Variants in DLC1 observed in about 807,000 individuals in gnomAD.
DLC1 encodes DLC1 Rho GTPase activating protein, also known as rho GTPase-activating protein 7.
A neutral mutation model predicts 140.3 loss-of-function variants in DLC1; 54 were observed. That is an observed-to-expected ratio of 0.38 (90% CI 0.31 to 0.48). The LOEUF is 0.48. DLC1 is among the 20% of genes least tolerant of loss of function. The pLI, the probability that DLC1 is intolerant of heterozygous loss-of-function variation, is 0.96. For synonymous variants in DLC1, 986 were observed against 728.1 expected, an observed-to-expected ratio of 1.35 and a Z score of -5.70; for missense variants, 2,536 against 1,907.0, an observed-to-expected ratio of 1.33 and a Z score of -6.14.
chr8:13,508,223 T>C (rs1278558649), intron 1 of DLC1, among the ~76,000 whole-genome samples: 2 of 152,208 alleles, frequency 1.3e-5, no homozygotes, highest in Admixed American at 6.5e-5. Context: ...ACCCACTTTA[T>C]GGCTCAAGCC....
chr8:13,263,710 TG>T (rs1367228264), intron 5 of DLC1, among the ~76,000 whole-genome samples: 6 of 151,688 alleles, frequency 4.0e-5, no homozygotes, highest in Middle Eastern at 3.5e-3. Context: ...TTTATTTTTA[TG>T]TTTTTTTAAA....
chr8:13,431,482 CAAAAAAAAAAAAAAAAAA>C (rs56057254), intron 2 of DLC1, among the ~76,000 whole-genome samples: 6,672 of 41,468 alleles, frequency 0.16, 351 homozygotes, highest in Middle Eastern at 0.4. Flanking sequence ...GACTCCGTCT[CAAAAAAAAAAAAAAAAAA>C]AAAAAAAAAA....
upstream of DLC1, among the ~76,000 whole-genome samples, chr8:13,515,287 C>A (rs1193751040): frequency 6.6e-6 from 1 of 152,156 alleles, no homozygotes; most frequent in African/African-American, 2.4e-5. Flanking sequence ...CTTTTTTGAA[C>A]ATGACTTAAA....
At chr8:13,337,780 T>C (rs1463318524) in intron 4 of DLC1, among the ~76,000 whole-genome samples, 3 of 152,182 alleles carry the variant, frequency 2.0e-5, no homozygotes, top group Non-Finnish European at 4.4e-5. Context: ...CAGGGATAGA[T>C]TCTGAGCAAC....
chr8:13,136,547 G>A (rs1822570625), intron 5 of DLC1, among the ~76,000 whole-genome samples: 2 of 152,136 alleles, frequency 1.3e-5, no homozygotes, highest in African/African-American at 4.8e-5. Context: ...TCGCCCTGTT[G>A]CCGAGGCTGC....
At chr8:13,126,632 T>C (rs766052343) in intron 5 of DLC1, among the ~76,000 whole-genome samples, 1 of 152,142 alleles carries the variant, frequency 6.6e-6, no homozygotes, top group Non-Finnish European at 1.5e-5. Context: ...GATTATATAA[T>C]CCATTCCCTC....
intron 5 of DLC1, among the ~76,000 whole-genome samples, chr8:13,280,775 G>A (rs1228744676): frequency 6.6e-6 from 1 of 152,144 alleles, no homozygotes; most frequent in African/African-American, 2.4e-5. Context: ...CTAAAGTGCT[G>A]GAAGATCCTT....
chr8:13,323,807 G>A (rs1442615553), intron 4 of DLC1, among the ~76,000 whole-genome samples: 2 of 152,094 alleles, frequency 1.3e-5, no homozygotes, highest in Non-Finnish European at 2.9e-5. Flanking sequence ...CATAAAGGAG[G>A]CATTTTGTTA....
At chr8:13,133,240 A>G in intron 5 of DLC1, 1 of 1,392,664 alleles carries the variant, frequency 7.2e-7, no homozygotes, top group Non-Finnish European at 9.3e-7. Flanking sequence ...AGGTGCGGCC[A>G]TGTCCTGGCT....
intron 1 of DLC1, chr8:13,567,007 G>A: frequency 1.9e-6 from 3 of 1,549,606 alleles, no homozygotes; most frequent in Non-Finnish European, 1.7e-6. Flanking sequence ...CATCTGCCCA[G>A]AATTGGCCCA....
chr8:13,501,154 C>A (rs935816588), intron 1 of DLC1, among the ~76,000 whole-genome samples: 1 of 152,136 alleles, frequency 6.6e-6, no homozygotes, highest in African/African-American at 2.4e-5. Flanking sequence ...TCTTCAGAAA[C>A]TTCAGTCTCA....
At chr8:13,135,811 GC>G (rs1385006375) in intron 5 of DLC1, among the ~76,000 whole-genome samples, 1 of 152,068 alleles carries the variant, frequency 6.6e-6, no homozygotes, top group African/African-American at 2.4e-5. Context: ...TCTTATTCAA[GC>G]CCCATTCCTC....
rs1043857155 is a variant in DLC1 at position 13,401,362 on chromosome 8, A to C, written c.1173+108T>G. 2.6e-5 allele frequency: 36 copies of C among 1,390,608 alleles called. No individual in the cohort carries two copies. The South Asian group carries it at 5.0e-4, about 19-fold the overall frequency. The allele number at this position is 1,390,608 out of a possible 1,614,324, so 86.1% of individuals were successfully genotyped here. On this transcript the variant is annotated intron_variant, in intron 3 of 17. Transcript: ENST00000276297. ...ATCTTTATGGTACTGTACTGGGGTT[A>C]CATGTTGTTAGATGCCATTAACAAG...
chr8:13,518,902 A>G (rs949379588), upstream of DLC1, among the ~76,000 whole-genome samples: 1 of 152,204 alleles, frequency 6.6e-6, no homozygotes, highest in African/African-American at 2.4e-5. Flanking sequence ...CAATAAAAGT[A>G]GAATTTATCA....
intron 2 of DLC1, among the ~76,000 whole-genome samples, chr8:13,452,464 C>G (rs548344346): frequency 2.0e-5 from 3 of 152,224 alleles, no homozygotes; most frequent in Middle Eastern, 3.4e-3. Context: ...ATGCCCAAAT[C>G]TATAATGAGA....
At chr8:13,128,595 G>A (rs1340896890) in intron 5 of DLC1, among the ~76,000 whole-genome samples, 1 of 152,236 alleles carries the variant, frequency 6.6e-6, no homozygotes, top group Non-Finnish European at 1.5e-5. Context: ...CACTTTGGGA[G>A]GCCGAGGCGG....
intron 5 of DLC1, among the ~76,000 whole-genome samples, chr8:13,227,655 C>T (rs1828859872): frequency 6.6e-6 from 1 of 152,136 alleles, no homozygotes; most frequent in Admixed American, 6.5e-5. Context: ...ACCGTAGACC[C>T]TATATTAATG....
intron 1 of DLC1, among the ~76,000 whole-genome samples, chr8:13,599,501 C>T (rs981729030): frequency 1.3e-5 from 2 of 151,774 alleles, no homozygotes; most frequent in South Asian, 4.1e-4. Context: ...AGACAGAGTG[C>T]CCTAATTTCT....
chr8:13,183,172 T>G (rs150631776), intron 5 of DLC1, among the ~76,000 whole-genome samples: 8,743 of 152,306 alleles, frequency 0.057, 356 homozygotes, highest in South Asian at 0.091. Flanking sequence ...TTTTGTATCC[T>G]GAGACTTTGC....
Sources: gnomAD v4.1 joint callset for allele counts (sites outside exome capture counted in the v4.1 genomes callset) on GRCh38, gnomAD v4.1.1 for gene constraint, MANE v1.5 for transcripts, NCBI Gene and HGNC (gene_info 2026-07-23, HGNC 2026-07-21) for gene names.